The following PKP4 variants were observed in gnomAD, a reference collection of about 807,000 sequenced individuals.
PKP4 encodes plakophilin 4.
In PKP4, 90 loss-of-function variants were observed where a neutral mutation model predicts 145.1. The ratio of observed to expected loss-of-function variants is 0.62; its 90% CI spans 0.52 to 0.74. The LOEUF is 0.74. Ranked by LOEUF, PKP4 falls within the 30% of genes least tolerant of loss-of-function variation. The probability of loss-of-function intolerance (pLI) is 0.00; values close to 1 mark genes in which losing one functional copy is unlikely to be tolerated. For missense variants in PKP4, 1,340 were observed against 1,482.7 expected (o/e 0.90, Z 1.58); for synonymous variants, 563 against 577.2 (o/e 0.98, Z 0.35).
chr2:158,661,520 T>C, intron 13 of PKP4, 70 bp downstream of exon 13: 2 of 978,634 alleles, frequency 2.0e-6, no homozygotes, highest in Non-Finnish European at 3.3e-6. Context: ...ACTATTTGCA[T>C]GCCATTGGTT....
At chr2:158,480,765 A>G (rs1693231192) in intron 1 of PKP4, among the ~76,000 whole-genome samples, 1 of 152,176 alleles carries the variant, frequency 6.6e-6, no homozygotes, top group Non-Finnish European at 1.5e-5. Flanking sequence ...CAGTTCAGTG[A>G]TTTTTAGTAC....
At chr2:158,658,375 T>C (rs2056199543) in intron 12 of PKP4, 61 bp downstream of exon 12, 2 of 1,046,088 alleles carry the variant, frequency 1.9e-6, no homozygotes, top group Non-Finnish European at 2.8e-6. Flanking sequence ...CATAGGTAAA[T>C]TGATTTTAGG....
chr2:158,507,752 T>C (rs545330857), intron 1 of PKP4, among the ~76,000 whole-genome samples: 1 of 152,324 alleles, frequency 6.6e-6, no homozygotes, highest in Admixed American at 6.5e-5. Flanking sequence ...ATACATTGAA[T>C]TGAGCAGTCT....
intron 2 of PKP4, among the ~76,000 whole-genome samples, chr2:158,573,010 C>G (rs2047536991): frequency 1.3e-5 from 2 of 152,138 alleles, no homozygotes; most frequent in African/African-American, 4.8e-5. Context: ...TTCTAGGTCT[C>G]TTTGCTCTGG....
At chr2:158,634,893 A>AT (rs5835714) in intron 9 of PKP4, among the ~76,000 whole-genome samples, 102,429 of 151,922 alleles carry the variant, frequency 0.67, 37,034 homozygotes, top group East Asian at 0.92. Context: ...TGTAGACAGC[A>AT]TTTTTATTAA....
At chr2:158,634,576 A>C (rs2053653906) in intron 9 of PKP4, among the ~76,000 whole-genome samples, 1 of 152,232 alleles carries the variant, frequency 6.6e-6, no homozygotes, top group Non-Finnish European at 1.5e-5. Flanking sequence ...TCAAGACAAC[A>C]ACCTGGAATA....
chr2:158,504,204 G>C (rs1696993810), intron 1 of PKP4, among the ~76,000 whole-genome samples: 2 of 152,064 alleles, frequency 1.3e-5, no homozygotes, highest in South Asian at 4.1e-4. Context: ...AATTTGAGAG[G>C]TCATGAAGGG....
intron 3 of PKP4, among the ~76,000 whole-genome samples, chr2:158,589,802 C>T (rs1171741031): frequency 6.6e-6 from 1 of 152,142 alleles, no homozygotes; most frequent in African/African-American, 2.4e-5. Context: ...CATAGAGCAA[C>T]AAGAGCAATA....
chr2:158,482,694 G>T (rs925339666), intron 1 of PKP4, among the ~76,000 whole-genome samples: 1 of 152,028 alleles, frequency 6.6e-6, no homozygotes, highest in Non-Finnish European at 1.5e-5. Context: ...AAATTAACTG[G>T]GTGTGGTGGC....
chr2:158,640,287 G>A (rs1252477201), intron 9 of PKP4, among the ~76,000 whole-genome samples: 1 of 152,188 alleles, frequency 6.6e-6, no homozygotes, highest in Non-Finnish European at 1.5e-5. Context: ...GTGTTTACCT[G>A]AGCCTTGCAC....
In PKP4 at chr2:158,639,321, G is replaced by GTGTGTGT. The variant is rs1553468374; in HGVS notation, c.1563-1306_1563-1305insTGTGTGT. ...GAATTCACTAACTGAACGCATGAGG[G>GTGTGTGT]GTGTGTGTGTGTGTGTGTGTGCGTG... On this transcript the variant is annotated intron_variant, in intron 9 of 21. Transcript: ENST00000389759. Among the ~76,000 whole-genome samples the GTGTGTGT allele has an allele frequency of 3.5e-3, 484 of 137,824 alleles. 6 individuals are homozygous for GTGTGTGT. Among genetic ancestry groups the GTGTGTGT allele is most frequent in the Middle Eastern group, 0.012 (3 of 246 alleles). The allele number at this position is 137,824 out of a possible 152,430, so 90.4% of individuals were successfully genotyped here.
At chr2:158,583,748 A>G (rs972338153) in intron 3 of PKP4, among the ~76,000 whole-genome samples, 3 of 152,156 alleles carry the variant, frequency 2.0e-5, no homozygotes, top group African/African-American at 7.2e-5. Context: ...ATTTTGAGGT[A>G]ATTCCCCACA....
In PKP4 at chr2:158,669,749, C is replaced by T. The variant is rs1405772975; in HGVS notation, c.2758C>T (p.Arg920Trp). 5.6e-6 allele frequency: 9 copies of T among 1,600,834 alleles called. No individual in the cohort carries two copies. The highest frequency in any genetic ancestry group is 2.2e-5 in the East Asian group (1 of 44,608). Residue 920 changes from arginine (R) to tryptophan (W), a missense_variant, in exon 17 of 22, where the codon CGG becomes TGG. Transcript: ENST00000389759. ...ATACGCCATGCGAGACCTGGTCAAC[C>T]GGCTCCCCGGCGGCAATGGCCCCAG... ...GKYAMRDLVN[R>W]LPGGNGPSVL...
chr2:158,553,714 CT>C (rs1450800333), intron 2 of PKP4, among the ~76,000 whole-genome samples: 3 of 151,456 alleles, frequency 2.0e-5, no homozygotes, highest in African/African-American at 7.3e-5. Flanking sequence ...TTTTTTTTTC[CT>C]TTTGGAATGG....
rs143377767 is a variant in PKP4 at position 158,661,346 on chromosome 2, G to A, written c.2107G>A (p.Ala703Thr). The A allele has an allele frequency of 2.7e-5, 43 of 1,613,398 alleles. No homozygotes were observed. The highest frequency in any genetic ancestry group is 2.1e-4 in the African/African-American group (16 of 75,026). The change falls in exon 13 of 22, where the codon GCG becomes ACG. Residue 703 changes from alanine (A) to threonine (T), a missense_variant. Transcript: ENST00000389759. ...CCACCCCTTTAGGAACCTCAGCTCC[G>A]CGGGGGAAGAAGCTCGGAAGCAAAT... ...TTGCLRNLSS[A>T]GEEARKQMRS...
At chr2:158,514,942 A>G (rs1000291640) in intron 1 of PKP4, among the ~76,000 whole-genome samples, 3 of 151,514 alleles carry the variant, frequency 2.0e-5, no homozygotes, top group Admixed American at 2.0e-4. Context: ...CGCTGTCTCA[A>G]AAAAAAAAAT....
intron 1 of PKP4, among the ~76,000 whole-genome samples, chr2:158,506,136 C>T (rs990802444): frequency 5.3e-5 from 8 of 152,308 alleles, no homozygotes; most frequent in South Asian, 4.1e-4. Flanking sequence ...TTTGCTTGAA[C>T]ATGGCAATTG....
chr2:158,573,451 G>A (rs1200540052), intron 2 of PKP4, among the ~76,000 whole-genome samples: 1 of 152,042 alleles, frequency 6.6e-6, no homozygotes, highest in Non-Finnish European at 1.5e-5. Flanking sequence ...GAAACCAAGG[G>A]ATTTTATTGT....
chr2:158,627,512 A>C (rs924571148), intron 7 of PKP4, among the ~76,000 whole-genome samples: 3 of 152,068 alleles, frequency 2.0e-5, no homozygotes, highest in African/African-American at 7.2e-5. Context: ...TTTTCTAGAA[A>C]TACTGCAGTG....
Sources: allele counts gnomAD v4.1 joint callset (sites outside exome capture counted in the v4.1 genomes callset), GRCh38; gene constraint gnomAD v4.1.1; transcripts MANE v1.5; gene names NCBI Gene and HGNC (gene_info 2026-07-23, HGNC 2026-07-21).